Variants in PPP1R7 observed in about 807,000 individuals in gnomAD.
PPP1R7 encodes protein phosphatase 1 regulatory subunit 7.
PPP1R7 carries 18 observed loss-of-function variants against 45.2 expected under a neutral mutation model. The observed-to-expected ratio is 0.40, with a 90% CI of 0.28 to 0.59. The LOEUF is 0.59. PPP1R7 is among the 20% of genes least tolerant of loss of function. The probability of loss-of-function intolerance (pLI) is 0.46; values close to 1 mark genes in which losing one functional copy is unlikely to be tolerated. For missense variants in PPP1R7, 314 were observed against 455.8 expected, an observed-to-expected ratio of 0.69 and a Z score of 2.83; for synonymous variants, 181 against 183.4, an observed-to-expected ratio of 0.99 and a Z score of 0.11.
chr2:241,164,181 A>T (rs1173613671), intron 7 of PPP1R7, among the ~76,000 whole-genome samples: 1 of 152,014 alleles, frequency 6.6e-6, no homozygotes, highest in African/African-American at 2.4e-5. Flanking sequence ...CCTCCCAAAA[A>T]ATTTCTTTCT....
chr2:241,176,810 T>C (rs1375768138), intron 9 of PPP1R7, among the ~76,000 whole-genome samples: 1 of 152,240 alleles, frequency 6.6e-6, no homozygotes, highest in Non-Finnish European at 1.5e-5. Flanking sequence ...TACAGTGTTA[T>C]CTGTCAGGTT....
At chr2:241,171,415 A>G (rs2067814280) in intron 9 of PPP1R7, among the ~76,000 whole-genome samples, 1 of 152,258 alleles carries the variant, frequency 6.6e-6, no homozygotes, top group South Asian at 2.1e-4. Context: ...GGATAAGGTC[A>G]TATTACCCCA....
rs2068029966 is a variant in PPP1R7, at chr2:241,182,919, C to G, written c.*96C>G. 1 of 1,381,646 alleles carries G rather than the reference C, an allele frequency of 7.2e-7. No individual in the cohort carries two copies. The highest frequency in any genetic ancestry group is 1.4e-5 in the South Asian group (1 of 73,420). The allele number at this position is 1,381,646 out of a possible 1,614,324, so 85.6% of individuals were successfully genotyped here. A position where few individuals can be genotyped will look rare whatever the true frequency, so the allele number is the denominator to read the frequency against. On this transcript the variant is annotated 3_prime_UTR_variant, in exon 10 of 10. Coordinates refer to ENST00000234038, the MANE Select transcript of PPP1R7 (RefSeq NM_002712.3). ...GTTGCTCCTGAGGTCGTCACTATAT[C>G]AACAGTCACAAACCCAATGGCAATA... is the stretch of plus-strand genomic sequence containing the variant.
intron 4 of PPP1R7, 153 bp from the exon 5 acceptor site, chr2:241,159,060 C>A: frequency 1.1e-6 from 1 of 943,224 alleles, no homozygotes; most frequent in Non-Finnish European, 1.6e-6. Flanking sequence ...GCCCACCTGC[C>A]TCTCAAAGGT....
intron 7 of PPP1R7, 112 bp from the exon 8 acceptor site, chr2:241,166,225 A>C: frequency 2.2e-6 from 2 of 916,376 alleles, no homozygotes; most frequent in Non-Finnish European, 1.7e-6. Context: ...TTTTAAGTGA[A>C]ATTCTCTGTT....
At position 241,157,811 on chromosome 2, in the gene PPP1R7, A is replaced by C. The variant is rs766539448; in HGVS notation, c.186A>C (p.Glu62Asp). The C allele has an allele frequency of 6.2e-7, 1 of 1,613,786 alleles. No homozygotes were observed. Among genetic ancestry groups the C allele is most frequent in the East Asian group, 2.2e-5 (1 of 44,880 alleles). ...CTCTTTTTCTTATTTTTTCAGAAGA[A>C]CATGAGCTGCCTGTGGACATGGAAA... is the stretch of plus-strand genomic sequence containing the variant. ...EERGEEDPEE[E>D]HELPVDMETI... Residue 62 changes from glutamate to aspartate, a missense_variant, in exon 3 of 10, where the codon GAA becomes GAC. Glu to Asp is a conservative substitution (Grantham distance 45, BLOSUM62 2). Around this residue, in one of 3 missense-constraint regions of PPP1R7, gnomAD observed 112 missense variants for 144.5 expected, o/e 0.78. Transcript: ENST00000234038.
rs998271917 is a variant in PPP1R7, at chr2:241,183,049, T to C, written c.*226T>C. The C allele has an allele frequency of 3.4e-6, 2 of 580,528 alleles. No individual in the cohort carries two copies. The highest frequency in any genetic ancestry group is 6.1e-6 in the Non-Finnish European group (2 of 326,280). 36.0% of individuals were successfully genotyped at this position (580,528 alleles called of 1,614,324 possible). A position where few individuals can be genotyped will look rare whatever the true frequency, so the allele number is the denominator to read the frequency against. ...CCTCCTGGGTGATTGTTGACAGTTATTGTAGCCACAGAGAGAACATAAGAC... is the reference window on the plus strand; with the variant it reads ...CCTCCTGGGTGATTGTTGACAGTTACTGTAGCCACAGAGAGAACATAAGAC... On this transcript the variant is annotated 3_prime_UTR_variant, in exon 10 of 10. Transcript: ENST00000234038.
rs1206449495 is a variant in PPP1R7, at chr2:241,172,656, AAAG to A, written c.906+2792_906+2794del. 3.6e-3 allele frequency among the ~76,000 whole-genome samples: 547 copies of A among 152,130 alleles called. 4 individuals carry two copies. The highest frequency in any genetic ancestry group is 0.012 in the African/African-American group (513 of 41,494). On this transcript the variant is annotated intron_variant, in intron 9 of 9. Transcript: ENST00000234038. The stretch of plus-strand genomic sequence containing the variant: ...GAAACTCCGTCTCAAAAAAAAAAAA[AAAG>A]AAATTTAAAAACAAGAAAACTCACT...
At chr2:241,162,337 T>G (rs1282188645) in intron 6 of PPP1R7, among the ~76,000 whole-genome samples, 2 of 152,150 alleles carry the variant, frequency 1.3e-5, no homozygotes, top group East Asian at 3.8e-4. Flanking sequence ...TTGTGTCTGC[T>G]GAAATATTTA....
At chr2:241,156,141 A>AT (rs1243787429) in intron 2 of PPP1R7, among the ~76,000 whole-genome samples, 1 of 152,168 alleles carries the variant, frequency 6.6e-6, no homozygotes, top group Non-Finnish European at 1.5e-5. Context: ...AGCCCTTGGC[A>AT]TGGGGTCCAG....
intron 9 of PPP1R7, among the ~76,000 whole-genome samples, chr2:241,174,537 T>C (rs1392505028): frequency 6.6e-6 from 1 of 152,088 alleles, no homozygotes; most frequent in Non-Finnish European, 1.5e-5. Context: ...TTCCGCCTCC[T>C]TGTGGTCCTG....
intron 1 of PPP1R7, among the ~76,000 whole-genome samples, chr2:241,152,258 A>G (rs1489518633): frequency 6.6e-6 from 1 of 152,228 alleles, no homozygotes; most frequent in Non-Finnish European, 1.5e-5. Context: ...GAGGCTTTCA[A>G]ATGGAAACGA....
chr2:241,156,874 G>A (rs1019317469), intron 2 of PPP1R7, among the ~76,000 whole-genome samples: 23 of 152,066 alleles, frequency 1.5e-4, no homozygotes, highest in African/African-American at 3.6e-4. Context: ...GTGAGTGTGC[G>A]TGTTTGTGTG....
chr2:241,182,606 C>T, intron 9 of PPP1R7, 41 bp from the exon 10 acceptor site: 2 of 1,607,518 alleles, frequency 1.2e-6, no homozygotes, highest in Non-Finnish European at 1.7e-6. Context: ...GAGGGCTGGG[C>T]TGTTTGGTTC....
At chr2:241,167,868 C>T (rs1413134964) in intron 8 of PPP1R7, among the ~76,000 whole-genome samples, 1 of 152,078 alleles carries the variant, frequency 6.6e-6, no homozygotes, top group Admixed American at 6.5e-5. Context: ...AATATTTTCT[C>T]CTAAGTTTTG....
chr2:241,158,665 C>A, intron 4 of PPP1R7, 116 bp downstream of exon 4: 1 of 967,520 alleles, frequency 1.0e-6, no homozygotes, highest in Non-Finnish European at 1.6e-6. Context: ...GGCGGCGTGG[C>A]TGCCTCCACC....
At chr2:241,149,807 A>T, upstream of PPP1R7, 1 of 1,531,798 alleles carries the variant, frequency 6.5e-7, no homozygotes, top group Non-Finnish European at 8.7e-7. Context: ...GGGTAGACGA[A>T]GGCTGCAGCG....
At position 241,166,377 on chromosome 2, in the gene PPP1R7, T is replaced by C. The variant is rs1285521528; in HGVS notation, c.755T>C (p.Val252Ala). The C allele has an allele frequency of 7.4e-6, 12 of 1,613,902 alleles. No individual in the cohort carries two copies. Among genetic ancestry groups the C allele is most frequent in the Non-Finnish European group, 9.3e-6 (11 of 1,179,942 alleles). ...LTKIEGLQNL[V>A]NLRELYLSHN... is the part of the protein sequence containing the mutation. Reference sequence around the variant, plus strand: ...AAGATCGAGGGTCTGCAGAACCTGGTGAACCTGCGGGAGCTGTACCTTAGC... The same window carrying C: ...AAGATCGAGGGTCTGCAGAACCTGGCGAACCTGCGGGAGCTGTACCTTAGC... Residue 252 changes from valine (V) to alanine (A), a missense_variant, in exon 8 of 10, where the codon GTG (valine) becomes GCG (alanine). By Grantham distance (64) the Val-to-Ala change is moderately conservative. Coordinates refer to ENST00000234038, the MANE Select transcript of PPP1R7 (RefSeq NM_002712.3).
intron 1 of PPP1R7, among the ~76,000 whole-genome samples, chr2:241,151,303 T>A (rs1487558742): frequency 6.6e-6 from 1 of 152,026 alleles, no homozygotes; most frequent in Non-Finnish European, 1.5e-5. Flanking sequence ...CATGGTTTGG[T>A]GAGGGGTACA....
Sources: allele counts gnomAD v4.1 joint callset (sites outside exome capture counted in the v4.1 genomes callset), GRCh38; gene constraint gnomAD v4.1.1; regional missense constraint gnomAD v4.1.1; transcripts MANE v1.5; gene names NCBI Gene and HGNC (gene_info 2026-07-23, HGNC 2026-07-21).